The following TENM3 variants were observed in gnomAD, a reference collection of about 807,000 sequenced individuals.
The protein encoded by TENM3 is teneurin-3.
A neutral mutation model predicts 255.1 loss-of-function variants in TENM3; 63 were observed. That is an observed-to-expected ratio of 0.25 (90% confidence interval 0.20 to 0.30). The LOEUF (loss-of-function observed/expected upper bound fraction) is 0.30. TENM3 is among the 10% of genes least tolerant of loss of function. TENM3 has a pLI of 1.00. For synonymous variants in TENM3, 1,306 were observed against 1,322.3 expected, an observed-to-expected ratio of 0.99 and a Z score of 0.27; for missense variants, 2,929 against 3,461.1, an observed-to-expected ratio of 0.85 and a Z score of 3.86.
intron 3 of TENM3, among the ~76,000 whole-genome samples, chr4:182,431,487 C>T (rs1487354401): frequency 1.3e-5 from 2 of 152,026 alleles, no homozygotes. Flanking sequence ...GCGAGACTCC[C>T]TCTCAATACA....
At chr4:181,500,760 G>T in the TENM3 span, among the ~76,000 whole-genome samples, 1 of 152,160 alleles carries the variant, frequency 6.6e-6, no homozygotes, top group Non-Finnish European at 1.5e-5. Context: ...TGCTCAGAAT[G>T]CAGTTTTCTT....
chr4:182,594,159 C>T (rs774620869), intron 3 of TENM3, among the ~76,000 whole-genome samples: 29 of 152,054 alleles, frequency 1.9e-4, no homozygotes, highest in Non-Finnish European at 3.5e-4. Context: ...GTTCTTATGA[C>T]ATTTCCTTTT....
the TENM3 span, among the ~76,000 whole-genome samples, chr4:181,447,955 A>G: frequency 2.0e-5 from 3 of 151,876 alleles, no homozygotes; most frequent in African/African-American, 4.8e-5. Flanking sequence ...CTGTAAATCA[A>G]TTACATCTTG....
chr4:181,787,051 A>G, the TENM3 span, among the ~76,000 whole-genome samples: 1 of 152,342 alleles, frequency 6.6e-6, no homozygotes, highest in African/African-American at 2.4e-5. Flanking sequence ...TAAAACCCTA[A>G]GCACCTCACT....
At chr4:182,314,516 A>G (rs1388450896) in intron 1 of TENM3, among the ~76,000 whole-genome samples, 1 of 152,208 alleles carries the variant, frequency 6.6e-6, no homozygotes, top group Non-Finnish European at 1.5e-5. Flanking sequence ...GCATTCCTCT[A>G]TCTGGTCTTG....
At chr4:181,902,770 G>T in the TENM3 span, among the ~76,000 whole-genome samples, 2 of 152,124 alleles carry the variant, frequency 1.3e-5, no homozygotes, top group South Asian at 4.2e-4. Context: ...GTCAGGGGGT[G>T]GGGGGCAAGG....
the TENM3 span, among the ~76,000 whole-genome samples, chr4:181,620,834 T>C: frequency 5.3e-5 from 8 of 152,316 alleles, no homozygotes; most frequent in South Asian, 1.4e-3. Context: ...TGAACTGTTA[T>C]TATGTATCCT....
chr4:182,643,324 T>C (rs190102756), intron 5 of TENM3, among the ~76,000 whole-genome samples: 42 of 152,312 alleles, frequency 2.8e-4, no homozygotes, highest in Admixed American at 5.9e-4. Flanking sequence ...ATCGTATGTA[T>C]AACATGATAG....
the TENM3 span, among the ~76,000 whole-genome samples, chr4:181,572,562 T>G: frequency 3.9e-5 from 6 of 152,200 alleles, no homozygotes; most frequent in Non-Finnish European, 8.8e-5. Flanking sequence ...CTTTTTTTTG[T>G]CAATGAGTAC....
chr4:182,730,289 A>G lies in TENM3; in HGVS notation c.2675A>G (p.Tyr892Cys). 1.9e-6 allele frequency: 3 copies of G among 1,613,818 alleles called. No homozygotes were observed. The highest frequency in any genetic ancestry group is 2.5e-6 in the Non-Finnish European group (3 of 1,179,794). The change falls in exon 15 of 28, where the codon TAT becomes TGT. Residue 892 changes from tyrosine (Y) to cysteine (C), a missense_variant. Physicochemically the swap from Tyr to Cys is radical, Grantham distance 194. Coordinates refer to ENST00000511685, the MANE Select transcript of TENM3 (RefSeq NM_001080477.4). Reference sequence around the variant, plus strand: ...GTCTCGTTTTTCCATTACCCAGAATATGGATATACTATTACCCGCCAGGAC... The same window carrying G: ...GTCTCGTTTTTCCATTACCCAGAATGTGGATATACTATTACCCGCCAGGAC... ...VNVSFFHYPE[Y>C]GYTITRQDGM... is the part of the protein sequence containing the mutation.
In TENM3 at chr4:182,679,720, A is replaced by G; in HGVS notation, c.1381A>G (p.Ser461Gly). 1 of 1,613,586 alleles carries G rather than the reference A, an allele frequency of 6.2e-7. No individual in the cohort carries two copies. Among genetic ancestry groups the G allele is most frequent in the Non-Finnish European group, 8.5e-7 (1 of 1,179,882 alleles). The change falls in exon 8 of 28, where the codon AGC becomes GGC. Residue 461 changes from serine to glycine, a missense_variant. Physicochemically the swap from Ser to Gly is moderately conservative, Grantham distance 56. Coordinates refer to ENST00000511685, the MANE Select transcript of TENM3 (RefSeq NM_001080477.4). ...GSRLIAREQR[S>G]LLETERAGRQ... ...CAGGCTGATTGCCAGAGAGCAGCGGAGCCTGCTTGAGACGGAGAGAGCCGG... is the reference window on the plus strand; with the variant it reads ...CAGGCTGATTGCCAGAGAGCAGCGGGGCCTGCTTGAGACGGAGAGAGCCGG...
At chr4:182,616,236 A>G (rs2152440772) in intron 4 of TENM3, among the ~76,000 whole-genome samples, 1 of 152,066 alleles carries the variant, frequency 6.6e-6, no homozygotes, top group African/African-American at 2.4e-5. Flanking sequence ...AAAGATAGGT[A>G]ACTGCGTCCA....
chr4:181,741,510 A>G, the TENM3 span, among the ~76,000 whole-genome samples: 1 of 152,204 alleles, frequency 6.6e-6, no homozygotes, highest in African/African-American at 2.4e-5. Flanking sequence ...TTGGCAGATA[A>G]TTCTACTGGA....
At chr4:182,316,205 A>G (rs1762739665) in intron 1 of TENM3, among the ~76,000 whole-genome samples, 1 of 152,180 alleles carries the variant, frequency 6.6e-6, no homozygotes, top group Non-Finnish European at 1.5e-5. Context: ...CTGTTGTGCA[A>G]AAAGAAGTTA....
At chr4:181,520,532 C>CA in the TENM3 span, among the ~76,000 whole-genome samples, 3 of 151,388 alleles carry the variant, frequency 2.0e-5, no homozygotes, top group East Asian at 1.9e-4. Flanking sequence ...TCAAACAAAA[C>CA]AAAACAAAAT....
At chr4:181,598,464 A>G in the TENM3 span, among the ~76,000 whole-genome samples, 1 of 152,158 alleles carries the variant, frequency 6.6e-6, no homozygotes, top group Admixed American at 6.5e-5. Context: ...ACCCCCAGCT[A>G]AATAGAAGAA....
At chr4:182,599,446 C>T (rs954487604) in intron 3 of TENM3, among the ~76,000 whole-genome samples, 10 of 152,046 alleles carry the variant, frequency 6.6e-5, no homozygotes, top group Admixed American at 1.3e-4. Flanking sequence ...AAGGAAGTAG[C>T]GATATTTTCA....
intron 27 of TENM3, among the ~76,000 whole-genome samples, chr4:182,796,972 T>C (rs1391476013): frequency 6.6e-6 from 1 of 152,168 alleles, no homozygotes; most frequent in Non-Finnish European, 1.5e-5. Flanking sequence ...TTTTCAGCAA[T>C]GCTAATGAAA....
the TENM3 span, among the ~76,000 whole-genome samples, chr4:181,745,311 A>G: frequency 6.6e-6 from 1 of 152,136 alleles, no homozygotes; most frequent in Non-Finnish European, 1.5e-5. Flanking sequence ...GGCCCAAGAG[A>G]ATAGAGGAGA....
Sources: allele counts gnomAD v4.1 joint callset (sites outside exome capture counted in the v4.1 genomes callset), GRCh38; gene constraint gnomAD v4.1.1; transcripts MANE v1.5; gene names NCBI Gene and HGNC (gene_info 2026-07-23, HGNC 2026-07-21).